Variants in ITGBL1 observed in about 807,000 individuals in gnomAD.
ITGBL1 encodes integrin subunit beta like 1.
Under a neutral mutation model 68.5 loss-of-function variants are expected in ITGBL1, and 51 were observed. The observed-to-expected ratio is 0.74, with a 90% CI of 0.59 to 0.94. The LOEUF is 0.94. Ranked by LOEUF, ITGBL1 falls within the 40% of genes least tolerant of loss-of-function variation. The pLI, the probability that ITGBL1 is intolerant of heterozygous loss-of-function variation, is 0.00. For missense variants in ITGBL1, 649 were observed against 647.4 expected (o/e 1.00, Z -0.03); for synonymous variants, 209 against 227.3 (o/e 0.92, Z 0.72).
intron 9 of ITGBL1, among the ~76,000 whole-genome samples, chr13:101,708,026 A>AACACACACACACACACACACAC (rs3062945): frequency 6.9e-6 from 1 of 144,338 alleles, no homozygotes; most frequent in African/African-American, 2.6e-5. Flanking sequence ...CACACATGCA[A>AACACACACACACACACACACAC]ACACACACAC....
chr13:101,496,088 A>G (rs1049251518), intron 2 of ITGBL1, among the ~76,000 whole-genome samples: 4 of 152,164 alleles, frequency 2.6e-5, no homozygotes, highest in African/African-American at 2.4e-5. Flanking sequence ...ATTCCAGCCT[A>G]TATTTCTCCA....
At chr13:101,506,471 G>A (rs933181438) in intron 2 of ITGBL1, among the ~76,000 whole-genome samples, 3 of 152,162 alleles carry the variant, frequency 2.0e-5, no homozygotes, top group Admixed American at 6.6e-5. Context: ...ACCACATGCA[G>A]CAAGGTATTG....
chr13:101,717,115 AATTTT>A (rs1333642207), downstream of ITGBL1: 1 of 152,134 alleles, frequency 6.6e-6, no homozygotes, highest in Non-Finnish European at 1.5e-5. Context: ...TTTACTTGGA[AATTTT>A]ATTTTAATGA....
chr13:101,581,738 T>C (rs2050461320), intron 5 of ITGBL1, among the ~76,000 whole-genome samples: 2 of 152,250 alleles, frequency 1.3e-5, no homozygotes, highest in Non-Finnish European at 2.9e-5. Flanking sequence ...CTATATTTTA[T>C]ATTTCTGAAC....
chr13:101,559,828 C>G (rs149303165), intron 2 of ITGBL1, among the ~76,000 whole-genome samples: 1 of 152,314 alleles, frequency 6.6e-6, no homozygotes, highest in East Asian at 1.9e-4. Context: ...AAGTACTTAT[C>G]ATAGTACTGG....
At chr13:101,714,774 A>T in intron 10 of ITGBL1, 1 of 531,394 alleles carries the variant, frequency 1.9e-6, no homozygotes, top group East Asian at 3.0e-5. Flanking sequence ...TTTTGTGATT[A>T]TTTGGGATCC....
intron 8 of ITGBL1, among the ~76,000 whole-genome samples, chr13:101,699,837 T>C (rs1424943465): frequency 1.3e-5 from 2 of 152,238 alleles, no homozygotes; most frequent in Non-Finnish European, 2.9e-5. Flanking sequence ...AAAAGATGAA[T>C]AAAACTACTT....
chr13:101,605,792 A>ATGTG (rs1451537456), intron 7 of ITGBL1, among the ~76,000 whole-genome samples: 1 of 4,748 alleles, frequency 2.1e-4, no homozygotes, highest in Non-Finnish European at 3.2e-3. Context: ...GTATGTGCGT[A>ATGTG]TATGTACTCG....
intron 7 of ITGBL1, among the ~76,000 whole-genome samples, chr13:101,651,073 G>A (rs374885202): frequency 4.3e-4 from 65 of 152,224 alleles, no homozygotes; most frequent in African/African-American, 1.2e-3. Flanking sequence ...TTGATTGCAC[G>A]TCTTTGCTAT....
At chr13:101,454,128 C>A in intron 2 of ITGBL1, 28 bp downstream of exon 2, 1 of 1,475,928 alleles carries the variant, frequency 6.8e-7, no homozygotes, top group East Asian at 2.7e-5. Context: ...TCTCCTCCCT[C>A]GGGAGGTCGA....
rs2030603009 is a variant in ITGBL1, at chr13:101,604,855, T to TAA, written c.1015+6557_1015+6558insAA. ...GGACCAGGTGAAGGCAATATATATA[T>TAA]ATATATATATATATATATATATATA... On this transcript the variant is annotated intron_variant, in intron 7 of 10. Transcript: ENST00000376180. 1.6e-4 allele frequency among the ~76,000 whole-genome samples: 2 copies of TAA among 12,772 alleles called. 1 individual carries two copies. Among genetic ancestry groups the TAA allele is most frequent in the Non-Finnish European group, 4.0e-4 (2 of 5,018 alleles). The allele number at this position is 12,772 out of a possible 152,430, so 8.4% of individuals were successfully genotyped here.
chr13:101,489,515 T>G (rs1406545107), intron 2 of ITGBL1, among the ~76,000 whole-genome samples: 1 of 152,190 alleles, frequency 6.6e-6, no homozygotes, highest in African/African-American at 2.4e-5. Flanking sequence ...TAGTTCCCCT[T>G]AAATGCTTTG....
chr13:101,587,660 A>G (rs2050579975), intron 6 of ITGBL1, among the ~76,000 whole-genome samples: 1 of 152,204 alleles, frequency 6.6e-6, no homozygotes, highest in African/African-American at 2.4e-5. Flanking sequence ...TTATGAAAAT[A>G]TAGGGAAAGT....
At chr13:101,580,134 G>A (rs1439022823) in intron 5 of ITGBL1, among the ~76,000 whole-genome samples, 2 of 151,990 alleles carry the variant, frequency 1.3e-5, no homozygotes, top group African/African-American at 4.8e-5. Flanking sequence ...CCATACTAAA[G>A]TTTTCATTGC....
At chr13:101,517,869 C>G (rs2049221225) in intron 2 of ITGBL1, among the ~76,000 whole-genome samples, 1 of 152,142 alleles carries the variant, frequency 6.6e-6, no homozygotes, top group Non-Finnish European at 1.5e-5. Flanking sequence ...CCTGTGCCAG[C>G]CTTGCTGAAA....
At chr13:101,689,450 TA>T (rs1228804884) in intron 7 of ITGBL1, among the ~76,000 whole-genome samples, 1 of 151,082 alleles carries the variant, frequency 6.6e-6, no homozygotes, top group African/African-American at 2.4e-5. Context: ...AGCAAAATAA[TA>T]AACTTACAAA....
chr13:101,526,214 G>T (rs2049376454), intron 2 of ITGBL1, among the ~76,000 whole-genome samples: 1 of 142,732 alleles, frequency 7.0e-6, no homozygotes, highest in East Asian at 2.1e-4. Context: ...GTGCAAGTTT[G>T]TTACATAGGT....
chr13:101,606,296 G>A (rs549723872), intron 7 of ITGBL1, among the ~76,000 whole-genome samples: 1 of 150,518 alleles, frequency 6.6e-6, no homozygotes, highest in Non-Finnish European at 1.5e-5. Flanking sequence ...TGTCTTGAAG[G>A]TAGAATAACT....
chr13:101,481,028 G>C (rs12874221), intron 2 of ITGBL1, among the ~76,000 whole-genome samples: 1 of 149,652 alleles, frequency 6.7e-6, no homozygotes, highest in Admixed American at 6.7e-5. Flanking sequence ...GTGTGTGTGT[G>C]TGTGTGTGTA....
Sources: allele counts gnomAD v4.1 joint callset (sites outside exome capture counted in the v4.1 genomes callset), GRCh38; gene constraint gnomAD v4.1.1; transcripts MANE v1.5; gene names NCBI Gene and HGNC (gene_info 2026-07-23, HGNC 2026-07-21).